Variants in ADGB observed in about 807,000 individuals in gnomAD.
The protein encoded by ADGB is androglobin, also known as calpain-7-like protein.
ADGB carries 172 observed loss-of-function variants against 210.5 expected under a neutral mutation model. The observed-to-expected ratio is 0.82, with a 90% CI of 0.72 to 0.93. The LOEUF is 0.93. Ranked by LOEUF, ADGB falls within the 40% of genes least tolerant of loss-of-function variation. The pLI is 0.00. For synonymous variants in ADGB, 658 were observed against 662.7 expected (o/e 0.99, Z 0.11); for missense variants, 2,025 against 1,964.8 (o/e 1.03, Z -0.58).
chr6:146,736,414 A>T, intron 22 of ADGB, 84 bp from the exon 23 acceptor site: 2 of 887,320 alleles, frequency 2.3e-6, no homozygotes, highest in Non-Finnish European at 3.3e-6. Context: ...TTTCAACTTC[A>T]TTTGTGAAAA....
intron 1 of ADGB, among the ~76,000 whole-genome samples, chr6:146,603,295 A>C (rs1306980888): frequency 6.6e-6 from 1 of 152,182 alleles, no homozygotes; most frequent in Non-Finnish European, 1.5e-5. Context: ...ATGCCGCTGG[A>C]GGGATTTGTA....
chr6:146,647,098 C>CAA (rs1324247046), intron 3 of ADGB, among the ~76,000 whole-genome samples: 1 of 126,448 alleles, frequency 7.9e-6, no homozygotes, highest in African/African-American at 2.8e-5. Context: ...CAAAAAAAAA[C>CAA]AAAAAACAAA....
At chr6:146,795,806 G>A (rs1347811981) in intron 33 of ADGB, among the ~76,000 whole-genome samples, 1 of 152,086 alleles carries the variant, frequency 6.6e-6, no homozygotes, top group Non-Finnish European at 1.5e-5. Context: ...AATGTTCATT[G>A]CAGCACTACT....
Position 146,815,126 on chromosome 6 carries a change from T to C in ADGB, c.4913T>C (p.Leu1638Pro), listed in dbSNP as rs1435095663. Residue 1638 changes from leucine to proline, a missense_variant, in exon 36 of 36, where the codon CTG becomes CCG. By Grantham distance (98) the Leu-to-Pro change is moderately conservative. Coordinates refer to ENST00000397944, the MANE Select transcript of ADGB (RefSeq NM_024694.4). ...GCTGAGCACCTAAAGCTGGAAACTCTGGCTGCTCAGGAAGCAGCCATGAAG... is the reference window on the plus strand; with the variant it reads ...GCTGAGCACCTAAAGCTGGAAACTCCGGCTGCTCAGGAAGCAGCCATGAAG... Reference protein sequence around the residue: ...LEAEHLKLETLAAQEAAMKLE... With the variant: ...LEAEHLKLETPAAQEAAMKLE... 7.1e-6 allele frequency: 11 copies of C among 1,548,222 alleles called. No individual in the cohort carries two copies. Among genetic ancestry groups the C allele is most frequent in the African/African-American group, 2.8e-5 (2 of 72,544 alleles).
chr6:146,619,880 G>T (rs190109488), intron 1 of ADGB, among the ~76,000 whole-genome samples: 77 of 152,118 alleles, frequency 5.1e-4, no homozygotes, highest in Admixed American at 1.2e-3. Context: ...TTTAATAACT[G>T]CAGATGTTTT....
intron 4 of ADGB, among the ~76,000 whole-genome samples, chr6:146,655,222 C>CCA (rs1775762497): frequency 6.6e-6 from 1 of 152,134 alleles, no homozygotes; most frequent in African/African-American, 2.4e-5. Flanking sequence ...TCCTTGAGAT[C>CCA]CACATGACCA....
At chr6:146,729,195 C>T (rs1776943413) in intron 20 of ADGB, among the ~76,000 whole-genome samples, 1 of 152,188 alleles carries the variant, frequency 6.6e-6, no homozygotes, top group South Asian at 2.1e-4. Context: ...AAAGAGACTT[C>T]CTGGTAACCC....
At chr6:146,644,912 A>G in intron 3 of ADGB, 47 bp downstream of exon 3, 1 of 1,154,146 alleles carries the variant, frequency 8.7e-7, no homozygotes, top group African/African-American at 1.6e-5. Context: ...ATGTGGATGT[A>G]TTATCCTACT....
At chr6:146,623,694 C>T (rs1780932126) in intron 1 of ADGB, among the ~76,000 whole-genome samples, 1 of 151,896 alleles carries the variant, frequency 6.6e-6, no homozygotes, top group East Asian at 1.9e-4. Flanking sequence ...TTCAGTCTTA[C>T]ATCACTAAGT....
At chr6:146,723,970 T>C (rs1010816078) in intron 17 of ADGB, among the ~76,000 whole-genome samples, 1 of 152,190 alleles carries the variant, frequency 6.6e-6, no homozygotes, top group African/African-American at 2.4e-5. Context: ...TTGAGAGGAT[T>C]GTTACAAGGA....
In ADGB at chr6:146,811,437, G is replaced by C. The variant is rs1460380613; in HGVS notation, c.4819-3595G>C. Among the ~76,000 whole-genome samples the C allele has an allele frequency of 3.1e-5, 3 of 97,984 alleles. No homozygotes were observed. In the East Asian group the frequency reaches 1.3e-3, roughly 44 times the overall value. 64.3% of individuals were successfully genotyped at this position (97,984 alleles called of 152,430 possible). ...TATATACATGTATGTGTGTCTTTGT[G>C]TGTTTATATATATATATATTCAGGA... On this transcript the variant is annotated intron_variant, in intron 35 of 35. Coordinates refer to ENST00000397944, the MANE Select transcript of ADGB (RefSeq NM_024694.4).
At chr6:146,787,400 A>G (rs1777887777) in intron 32 of ADGB, among the ~76,000 whole-genome samples, 2 of 152,084 alleles carry the variant, frequency 1.3e-5, no homozygotes, top group Non-Finnish European at 2.9e-5. Flanking sequence ...ATTTAGACTC[A>G]TATGTACCCC....
At chr6:146,701,134 G>T in intron 13 of ADGB, 64 bp downstream of exon 13, 1 of 1,498,694 alleles carries the variant, frequency 6.7e-7, no homozygotes, top group South Asian at 1.2e-5. Flanking sequence ...TCCTTACATT[G>T]TGAAACATAC....
rs1778366024 is a variant in ADGB, at chr6:146,815,115, G to C, written c.4902G>C (p.Lys1634Asn). 2 of 1,548,718 alleles carry C rather than the reference G, an allele frequency of 1.3e-6. No homozygotes were observed. The highest frequency in any genetic ancestry group is 1.7e-6 in the Non-Finnish European group (2 of 1,146,274). ...RNKLLEAEHL[K>N]LETLAAQEAA... The stretch of plus-strand genomic sequence containing the variant: ...AATTGCTGGAAGCTGAGCACCTAAA[G>C]CTGGAAACTCTGGCTGCTCAGGAAG... Residue 1634 changes from lysine (K) to asparagine (N), a missense_variant, in exon 36 of 36, where the codon AAG becomes AAC. Coordinates refer to ENST00000397944, the MANE Select transcript of ADGB (RefSeq NM_024694.4).
chr6:146,661,678 T>A (rs1048418347), intron 5 of ADGB, among the ~76,000 whole-genome samples: 1 of 152,160 alleles, frequency 6.6e-6, no homozygotes, highest in Admixed American at 6.6e-5. Flanking sequence ...TTAACTGGCA[T>A]GTAAAATTTT....
chr6:146,779,063 A>G (rs77772968), intron 29 of ADGB, among the ~76,000 whole-genome samples: 4 of 65,612 alleles, frequency 6.1e-5, no homozygotes, highest in East Asian at 3.6e-4. Flanking sequence ...GTAGCTTTGG[A>G]AAAAAAAAAA....
At chr6:146,753,634 T>A (rs753861931) in intron 27 of ADGB, among the ~76,000 whole-genome samples, 39 of 151,916 alleles carry the variant, frequency 2.6e-4, no homozygotes, top group Non-Finnish European at 5.0e-4. Flanking sequence ...ATTGAATGGG[T>A]TTGGAACATT....
rs1210646511 is a variant in ADGB at position 146,752,679 on chromosome 6, ACTT to A, written c.3519_3521del (p.Phe1173del). On this transcript the variant is annotated inframe_deletion, in exon 27 of 36. Coordinates refer to ENST00000397944, the MANE Select transcript of ADGB (RefSeq NM_024694.4). ...GGCCAAGCTATAATCCCAGCATTTCACTTCTTGAAGAGTGAGAAAGGTTTGAGC... is the reference window on the plus strand; with the variant it reads ...GGCCAAGCTATAATCCCAGCATTTCACTTGAAGAGTGAGAAAGGTTTGAGC... 1.9e-6 allele frequency: 3 copies of A among 1,550,590 alleles called. No homozygotes were observed. Among genetic ancestry groups the A allele is most frequent in the Non-Finnish European group, 1.7e-6 (2 of 1,146,292 alleles).
chr6:146,638,432 T>C (rs111300723), intron 2 of ADGB, among the ~76,000 whole-genome samples: 13,485 of 151,086 alleles, frequency 0.089, 575 homozygotes, highest in East Asian at 0.13. Context: ...CCATAAAAAA[T>C]GATGAGTTCA....
Sources: allele counts gnomAD v4.1 joint callset (sites outside exome capture counted in the v4.1 genomes callset), GRCh38; gene constraint gnomAD v4.1.1; transcripts MANE v1.5; gene names NCBI Gene and HGNC (gene_info 2026-07-23, HGNC 2026-07-21).